Variants in YAP1 observed in about 807,000 individuals in gnomAD.
The protein encoded by YAP1 is transcriptional coactivator YAP1.
YAP1 carries 5 observed loss-of-function variants against 56.9 expected under a neutral mutation model. The observed-to-expected ratio is 0.09, with a 90% CI of 0.05 to 0.18. YAP1 has a LOEUF of 0.18. YAP1 is among the 10% of genes least tolerant of loss of function. YAP1 has a pLI of 1.00. For missense variants in YAP1, 539 were observed against 651.8 expected, an observed-to-expected ratio of 0.83 and a Z score of 1.88; for synonymous variants, 265 against 248.1, an observed-to-expected ratio of 1.07 and a Z score of -0.64.
At chr11:102,147,009 C>T (rs1297640233) in intron 2 of YAP1, among the ~76,000 whole-genome samples, 1 of 152,166 alleles carries the variant, frequency 6.6e-6, no homozygotes, top group Non-Finnish European at 1.5e-5. Flanking sequence ...CTAGGCACTG[C>T]TTTAATTCCT....
intron 8 of YAP1, 65 bp from the exon 9 acceptor site, chr11:102,229,637 A>G: frequency 6.8e-7 from 1 of 1,470,238 alleles, no homozygotes; most frequent in South Asian, 1.2e-5. Flanking sequence ...CTCTGTGCTC[A>G]TATGATACAG....
intron 2 of YAP1, among the ~76,000 whole-genome samples, chr11:102,135,432 T>C (rs1944620023): frequency 6.6e-6 from 1 of 152,202 alleles, no homozygotes; most frequent in Non-Finnish European, 1.5e-5. Flanking sequence ...GATCCAAAGA[T>C]AGCTTCACTC....
intron 3 of YAP1, 62 bp from the exon 4 acceptor site, chr11:102,185,956 C>G: frequency 1.4e-6 from 2 of 1,472,558 alleles, no homozygotes; most frequent in Admixed American, 2.7e-5. Context: ...GTACCCCCTC[C>G]CACTTTTTTT....
intron 4 of YAP1, among the ~76,000 whole-genome samples, chr11:102,202,511 C>T (rs1948922615): frequency 6.6e-6 from 1 of 151,538 alleles, no homozygotes; most frequent in South Asian, 2.1e-4. Flanking sequence ...CATTGGCTAC[C>T]TTTTGGAGGA....
chr11:102,210,163 T>G (rs1300502956), intron 6 of YAP1, among the ~76,000 whole-genome samples: 2 of 152,314 alleles, frequency 1.3e-5, no homozygotes, highest in South Asian at 2.1e-4. Context: ...AAGGAAAGAT[T>G]GTGGCCAATT....
intron 4 of YAP1, among the ~76,000 whole-genome samples, chr11:102,193,024 G>GTTCA (rs1218485496): frequency 6.6e-6 from 1 of 152,136 alleles, no homozygotes; most frequent in Non-Finnish European, 1.5e-5. Context: ...TGTTAGCAAA[G>GTTCA]TTCAGCTTTA....
chr11:102,122,418 C>G (rs1943714678), intron 2 of YAP1, among the ~76,000 whole-genome samples: 1 of 122,572 alleles, frequency 8.2e-6, no homozygotes, highest in Non-Finnish European at 1.6e-5. Context: ...GAGCCAGACT[C>G]TGTCTCAAAA....
At position 102,172,016 on chromosome 11, in the gene YAP1, C is replaced by T. The variant is rs145953685; in HGVS notation, c.688+9445C>T. ...ACCAGCTTGGCCAACATGGTGAAAC[C>T]CCGTCTCTACTAAAAATACAAAAAG... is the stretch of plus-strand genomic sequence containing the variant. On this transcript the variant is annotated intron_variant, in intron 3 of 8. Coordinates refer to ENST00000282441, the MANE Select transcript of YAP1 (RefSeq NM_001130145.3). Among the ~76,000 whole-genome samples, 1,092 of 151,932 alleles carry T rather than the reference C, an allele frequency of 7.2e-3. 17 individuals carry two copies. The highest frequency in any genetic ancestry group is 0.025 in the African/African-American group (1,056 of 41,420).
chr11:102,227,441 T>G (rs750787641), intron 7 of YAP1, 28 bp from the exon 8 acceptor site: 47 of 1,531,776 alleles, frequency 3.1e-5, no homozygotes, highest in Admixed American at 5.2e-5. Context: ...ATTTTTTGTG[T>G]TGGTCTTTAA....
At chr11:102,215,757 T>C (rs1949629222) in intron 6 of YAP1, among the ~76,000 whole-genome samples, 7 of 152,138 alleles carry the variant, frequency 4.6e-5, no homozygotes, top group Admixed American at 4.6e-4. Flanking sequence ...GGGATTACAG[T>C]CATGAGCCAC....
At chr11:102,118,577 C>G (rs1399847252) in intron 2 of YAP1, among the ~76,000 whole-genome samples, 3 of 150,948 alleles carry the variant, frequency 2.0e-5, no homozygotes, top group African/African-American at 7.3e-5. Context: ...GATTCTCCTG[C>G]CCCATCTCTA....
At chr11:102,153,313 A>C (rs969651602) in intron 2 of YAP1, among the ~76,000 whole-genome samples, 7 of 152,214 alleles carry the variant, frequency 4.6e-5, no homozygotes, top group Admixed American at 2.0e-4. Flanking sequence ...AGTGATTCAC[A>C]GATGGTTAAA....
intron 4 of YAP1, among the ~76,000 whole-genome samples, chr11:102,194,085 G>A (rs1453986813): frequency 1.3e-5 from 2 of 152,178 alleles, no homozygotes; most frequent in Non-Finnish European, 2.9e-5. Flanking sequence ...GATTACAGGC[G>A]TGAGCCACCG....
At chr11:102,169,936 ATT>A (rs1946812932) in intron 3 of YAP1, among the ~76,000 whole-genome samples, 1 of 152,224 alleles carries the variant, frequency 6.6e-6, no homozygotes, top group South Asian at 2.1e-4. Flanking sequence ...GATGACTTAA[ATT>A]TTTTCTTTTT....
Position 102,209,576 on chromosome 11 carries a change from T to C in YAP1, c.1032+12T>C, listed in dbSNP as rs1368779899. The C allele has an allele frequency of 1.9e-6, 3 of 1,568,942 alleles. No homozygotes were observed. The highest frequency in any genetic ancestry group is 2.6e-6 in the Non-Finnish European group (3 of 1,164,416). On this transcript the variant is annotated intron_variant, in intron 6 of 8. Coordinates refer to ENST00000282441, the MANE Select transcript of YAP1 (RefSeq NM_001130145.3). The stretch of plus-strand genomic sequence containing the variant: ...CTCCAAAATGTCAGGTAGGCTCTTA[T>C]CTGATGTTTTAGCACTGGAAAAAAA...
chr11:102,160,085 G>A (rs565943411), intron 2 of YAP1, among the ~76,000 whole-genome samples: 9 of 145,766 alleles, frequency 6.2e-5, no homozygotes, highest in Admixed American at 2.2e-4. Flanking sequence ...GTGCAATGGC[G>A]TGATCTTGGC....
At chr11:102,136,377 G>A (rs1230744023) in intron 2 of YAP1, among the ~76,000 whole-genome samples, 1 of 147,354 alleles carries the variant, frequency 6.8e-6, no homozygotes, top group Non-Finnish European at 1.5e-5. Context: ...CAGGGTCTCC[G>A]TCGCCTAGGC....
intron 3 of YAP1, among the ~76,000 whole-genome samples, chr11:102,184,068 C>G (rs1947805809): frequency 1.5e-5 from 2 of 134,680 alleles, no homozygotes; most frequent in Admixed American, 7.9e-5. Flanking sequence ...CAGAGCGAGA[C>G]TCCGTCTCAA....
intron 2 of YAP1, among the ~76,000 whole-genome samples, chr11:102,115,488 T>C (rs182232824): frequency 3.2e-4 from 49 of 152,190 alleles, no homozygotes; most frequent in African/African-American, 1.1e-3. Context: ...TAATGTAAGA[T>C]AGAAAGTTTT....
Sources: allele counts gnomAD v4.1 joint callset (sites outside exome capture counted in the v4.1 genomes callset), GRCh38; gene constraint gnomAD v4.1.1; transcripts MANE v1.5; gene names NCBI Gene and HGNC (gene_info 2026-07-23, HGNC 2026-07-21).